Variants in GRM7 observed in about 807,000 individuals in gnomAD.
GRM7 encodes metabotropic glutamate receptor 7.
A neutral mutation model predicts 84.5 loss-of-function variants in GRM7; 35 were observed. That is an observed-to-expected ratio of 0.41 (90% CI 0.32 to 0.55). The LOEUF is 0.55. Among genes scored for constraint, GRM7 ranks in the 20% least tolerant of loss-of-function variants. The probability of loss-of-function intolerance (pLI) is 0.19; values close to 1 mark genes in which losing one functional copy is unlikely to be tolerated. For synonymous variants in GRM7, 487 were observed against 455.1 expected (o/e 1.07, Z -0.89); for missense variants, 1,003 against 1,194.6 (o/e 0.84, Z 2.36).
chr3:7,267,177 A>T (rs1698673183), intron 2 of GRM7, among the ~76,000 whole-genome samples: 1 of 152,240 alleles, frequency 6.6e-6, no homozygotes, highest in African/African-American at 2.4e-5. Flanking sequence ...AAGTTCACTG[A>T]TTGATACTGA....
chr3:7,532,000 G>A (rs1019302436), intron 7 of GRM7, among the ~76,000 whole-genome samples: 2 of 152,170 alleles, frequency 1.3e-5, no homozygotes, highest in South Asian at 2.1e-4. Context: ...TTTATTGCGC[G>A]TGCTGCTGGA....
intron 2 of GRM7, among the ~76,000 whole-genome samples, chr3:7,211,699 G>A (rs529703018): frequency 5.4e-5 from 8 of 147,552 alleles, no homozygotes; most frequent in East Asian, 2.0e-4. Context: ...TCTTTGTTGC[G>A]GATGTCAACA....
intron 4 of GRM7, among the ~76,000 whole-genome samples, chr3:7,402,823 G>A (rs1300627199): frequency 4.2e-5 from 6 of 141,890 alleles, no homozygotes; most frequent in Non-Finnish European, 9.3e-5. Context: ...TTTTTTTTAA[G>A]ATTCTTTTTC....
At chr3:7,608,029 C>T (rs1029959135) in intron 8 of GRM7, 8 of 357,428 alleles carry the variant, frequency 2.2e-5, no homozygotes, top group African/African-American at 1.5e-4. Context: ...TAACAGCCTC[C>T]AGCTCCATCT....
At chr3:7,081,625 T>A (rs1278975541) in intron 1 of GRM7, among the ~76,000 whole-genome samples, 1 of 152,088 alleles carries the variant, frequency 6.6e-6, no homozygotes, top group Non-Finnish European at 1.5e-5. Context: ...TAGAAATGAT[T>A]AAGCTTAGTG....
intron 2 of GRM7, among the ~76,000 whole-genome samples, chr3:7,156,521 C>A (rs1694455121): frequency 6.6e-6 from 1 of 152,116 alleles, no homozygotes; most frequent in South Asian, 2.1e-4. Flanking sequence ...CGGCTTTTGA[C>A]TGATAATTAT....
intron 8 of GRM7, among the ~76,000 whole-genome samples, chr3:7,675,535 A>T (rs1473146305): frequency 6.6e-6 from 1 of 152,200 alleles, no homozygotes; most frequent in Non-Finnish European, 1.5e-5. Flanking sequence ...ATGCATTCAT[A>T]TTTTATCCAA....
intron 8 of GRM7, among the ~76,000 whole-genome samples, chr3:7,640,561 C>T (rs1159867227): frequency 1.3e-5 from 2 of 152,154 alleles, no homozygotes; most frequent in Non-Finnish European, 2.9e-5. Context: ...AATTTAAAAT[C>T]TGAATGATGC....
At chr3:7,265,740 G>A (rs2124967692) in intron 2 of GRM7, among the ~76,000 whole-genome samples, 1 of 152,300 alleles carries the variant, frequency 6.6e-6, no homozygotes, top group Admixed American at 6.5e-5. Context: ...TCCTGTTAGG[G>A]CTGCACTTTG....
Position 7,572,870 on chromosome 3 carries a change from ATATATAT to A in GRM7, c.1516-5551_1516-5545del, listed in dbSNP as rs1694767118. Reference sequence around the variant, plus strand: ...TATATATATATATATATATATATATATATATATATAAATAATCTTTCTACCTATAATA... The same window carrying A: ...TATATATATATATATATATATATATAATAAATAATCTTTCTACCTATAATA... On this transcript the variant is annotated intron_variant, in intron 7 of 9. Coordinates refer to ENST00000357716, the MANE Select transcript of GRM7 (RefSeq NM_000844.4). 2.9e-5 allele frequency among the ~76,000 whole-genome samples: 2 copies of A among 67,812 alleles called. 1 individual carries two copies. Among genetic ancestry groups the A allele is most frequent in the African/African-American group, 1.0e-4 (2 of 19,284 alleles). The allele number at this position is 67,812 out of a possible 152,430, so 44.5% of individuals were successfully genotyped here. A position where few individuals can be genotyped will look rare whatever the true frequency, so the allele number is the denominator to read the frequency against.
chr3:7,475,942 C>T (rs966820800), intron 7 of GRM7, among the ~76,000 whole-genome samples: 1 of 152,142 alleles, frequency 6.6e-6, no homozygotes, highest in Non-Finnish European at 1.5e-5. Context: ...TACTATTGAT[C>T]CTTCTGTGAA....
intron 9 of GRM7, among the ~76,000 whole-genome samples, chr3:7,739,505 T>C (rs1302850761): frequency 6.6e-6 from 1 of 152,192 alleles, no homozygotes; most frequent in African/African-American, 2.4e-5. Flanking sequence ...GAATAAAGAA[T>C]ATATCACATC....
At chr3:7,303,401 T>C (rs1340710602) in intron 3 of GRM7, among the ~76,000 whole-genome samples, 1 of 152,172 alleles carries the variant, frequency 6.6e-6, no homozygotes, top group Non-Finnish European at 1.5e-5. Context: ...TTCTTCTGGT[T>C]TTATCTGCAT....
At chr3:7,173,199 A>G (rs981480174) in intron 2 of GRM7, among the ~76,000 whole-genome samples, 1 of 152,190 alleles carries the variant, frequency 6.6e-6, no homozygotes, top group African/African-American at 2.4e-5. Context: ...CCTCTAAGGC[A>G]TGACTAAACT....
chr3:7,064,013 G>A (rs1005953297), intron 1 of GRM7, among the ~76,000 whole-genome samples: 3 of 151,432 alleles, frequency 2.0e-5, no homozygotes, highest in African/African-American at 7.3e-5. Context: ...GTCATTTAGG[G>A]ATCTAAGCTG....
At chr3:6,990,756 C>T (rs1326524844) in intron 1 of GRM7, among the ~76,000 whole-genome samples, 1 of 152,196 alleles carries the variant, frequency 6.6e-6, no homozygotes, top group Admixed American at 6.5e-5. Context: ...TTATTTCTCC[C>T]CAACATTCCT....
intron 2 of GRM7, among the ~76,000 whole-genome samples, chr3:7,283,286 G>A (rs1460252109): frequency 6.6e-6 from 1 of 152,040 alleles, no homozygotes; most frequent in African/African-American, 2.4e-5. Flanking sequence ...GAAGGCAAGA[G>A]TAGTTTCAAC....
At chr3:7,448,220 G>C (rs1007825420) in intron 5 of GRM7, among the ~76,000 whole-genome samples, 8 of 151,534 alleles carry the variant, frequency 5.3e-5, no homozygotes, top group Admixed American at 1.3e-4. Context: ...ACATGTGCAT[G>C]TGTCTTTATA....
At chr3:7,432,468 G>T (rs2124851438) in intron 5 of GRM7, among the ~76,000 whole-genome samples, 1 of 151,958 alleles carries the variant, frequency 6.6e-6, no homozygotes, top group East Asian at 1.9e-4. Context: ...CTACAGGCAT[G>T]TGCCACCACG....
Sources: allele counts gnomAD v4.1 joint callset (sites outside exome capture counted in the v4.1 genomes callset), GRCh38; gene constraint gnomAD v4.1.1; transcripts MANE v1.5; gene names NCBI Gene and HGNC (gene_info 2026-07-23, HGNC 2026-07-21).